Variants in ANKS4B observed in about 807,000 individuals in gnomAD.
ANKS4B encodes ankyrin repeat and sterile alpha motif domain containing 4B, also known as ankyrin repeat and SAM domain-containing protein 4B.
ANKS4B carries 21 observed loss-of-function variants against 20.2 expected under a neutral mutation model. The observed-to-expected ratio is 1.04, with a 90% CI of 0.74 to 1.50. The LOEUF (loss-of-function observed/expected upper bound fraction) is 1.50. Among genes scored for constraint, ANKS4B ranks in the 40% most tolerant of loss-of-function variants. The probability of loss-of-function intolerance (pLI) is 0.00; values close to 1 mark genes in which losing one functional copy is unlikely to be tolerated. For synonymous variants in ANKS4B, 179 were observed against 194.5 expected (o/e 0.92, Z 0.66); for missense variants, 473 against 494.6 (o/e 0.96, Z 0.41).
intron 1 of ANKS4B, among the ~76,000 whole-genome samples, chr16:21,243,088 C>T (rs780736329): frequency 5.9e-5 from 9 of 152,052 alleles, no homozygotes; most frequent in African/African-American, 1.2e-4. Context: ...TGCAGAAAAA[C>T]GTTTTTGAAA....
intron 1 of ANKS4B, among the ~76,000 whole-genome samples, chr16:21,247,677 T>C (rs181516248): frequency 1.3e-5 from 2 of 152,354 alleles, no homozygotes; most frequent in East Asian, 1.9e-4. Flanking sequence ...CTGGCCATCA[T>C]TAAAAATAGT....
rs1384386749 is a variant in ANKS4B at position 21,251,153 on chromosome 16, G to A, written c.*333G>A. 4.5e-6 allele frequency: 1 copy of A among 224,280 alleles called. No homozygotes were observed. Among genetic ancestry groups the A allele is most frequent in the Admixed American group, 5.0e-5 (1 of 20,006 alleles). 13.9% of individuals were successfully genotyped at this position (224,280 alleles called of 1,614,324 possible). On this transcript the variant is annotated 3_prime_UTR_variant, in exon 2 of 2. Transcript: ENST00000311620. Reference sequence around the variant, plus strand: ...GGTCTCAGTCTCTTACCCAGGCTAGGGTGCAGTGGTATGATCATAGTTCAC... The same window carrying A: ...GGTCTCAGTCTCTTACCCAGGCTAGAGTGCAGTGGTATGATCATAGTTCAC...
At position 21,233,784 on chromosome 16, in the gene ANKS4B, T is replaced by C. The variant is rs761939206; in HGVS notation, c.47T>C (p.Leu16Pro). 11 of 1,614,080 alleles carry C rather than the reference T, an allele frequency of 6.8e-6. No individual in the cohort carries two copies. The highest frequency in any genetic ancestry group is 5.1e-6 in the Non-Finnish European group (6 of 1,179,972). The part of the protein sequence containing the change: ...HQAASDSYLE[L>P]LKEATKRDLN... Reference sequence around the variant, plus strand: ...GCTGCTAGTGATAGTTACCTGGAACTTCTAAAAGAGGCTACCAAGCGAGAT... The same window carrying C: ...GCTGCTAGTGATAGTTACCTGGAACCTCTAAAAGAGGCTACCAAGCGAGAT... Residue 16 changes from leucine to proline, a missense_variant, in exon 1 of 2, where the codon CTT becomes CCT. Transcript: ENST00000311620.
chr16:21,236,272 C>T (rs1388439554), intron 1 of ANKS4B, among the ~76,000 whole-genome samples: 2 of 152,154 alleles, frequency 1.3e-5, no homozygotes, highest in African/African-American at 4.8e-5. Context: ...GGGAATGGTG[C>T]TAAACCATTC....
In ANKS4B at chr16:21,250,455, A is replaced by T; in HGVS notation, c.889A>T (p.Lys297Ter). 1 of 1,614,166 alleles carries T rather than the reference A, an allele frequency of 6.2e-7. No homozygotes were observed. Among genetic ancestry groups the T allele is most frequent in the East Asian group, 2.2e-5 (1 of 44,876 alleles). Reference protein sequence around the residue: ...ISDSKREFGFKLPSELLQRQG... With the variant: ...ISDSKREFGF ...AGATAGCAAGAGAGAGTTTGGTTTT[A>T]AACTGCCCAGTGAATTGCTTCAAAG... The change falls in exon 2 of 2, where the codon AAA becomes TAA. Residue 297 changes from lysine (K) to a stop codon, truncating the protein, a stop_gained. Transcript: ENST00000311620. LOFTEE classifies it high-confidence loss of function.
chr16:21,247,342 C>A (rs769966754), intron 1 of ANKS4B, among the ~76,000 whole-genome samples: 1 of 152,158 alleles, frequency 6.6e-6, no homozygotes, highest in Non-Finnish European at 1.5e-5. Context: ...GGATTACAGG[C>A]ATGAGAGTCT....
intron 1 of ANKS4B, among the ~76,000 whole-genome samples, chr16:21,241,122 G>A (rs2356747): frequency 0.078 from 11,825 of 152,204 alleles, 894 homozygotes; most frequent in East Asian, 0.44. Context: ...TAGAGGGTAC[G>A]TGTGCAGGTT....
rs370046267 is a variant in ANKS4B, at chr16:21,246,116, TTAG to T, written c.165-3610_165-3608del. ...ATTTTTCGTAGAAAGGGTATATTTG[TTAG>T]TAGTTTTGTTATGAGAGTATATTGA... On this transcript the variant is annotated intron_variant, in intron 1 of 1. Transcript: ENST00000311620. Among the ~76,000 whole-genome samples, 299 of 152,352 alleles carry T rather than the reference TTAG, an allele frequency of 2.0e-3. 1 individual carries two copies. Among genetic ancestry groups the T allele is most frequent in the African/African-American group, 6.8e-3 (282 of 41,582 alleles).
intron 1 of ANKS4B, among the ~76,000 whole-genome samples, chr16:21,235,100 G>T (rs144199621): frequency 1.3e-5 from 2 of 152,014 alleles, no homozygotes; most frequent in African/African-American, 4.8e-5. Context: ...TGACAGCCTC[G>T]GTCTCCCAAA....
At position 21,251,398 on chromosome 16, in the gene ANKS4B, A is replaced by C. The variant is rs769866378; in HGVS notation, c.*578A>C. On this transcript the variant is annotated 3_prime_UTR_variant, in exon 2 of 2. Transcript: ENST00000311620. Reference sequence around the variant, plus strand: ...TGGGATTACAGGTGTGAACCACCGTACCCAGCCTATCTTTTTGATACTTTT... The same window carrying C: ...TGGGATTACAGGTGTGAACCACCGTCCCCAGCCTATCTTTTTGATACTTTT... The C allele has an allele frequency of 1.3e-5, 2 of 152,358 alleles. No homozygotes were observed. The highest frequency in any genetic ancestry group is 4.8e-5 in the African/African-American group (2 of 41,434). The allele number at this position is 152,358 out of a possible 1,614,324, so 9.4% of individuals were successfully genotyped here.
intron 1 of ANKS4B, among the ~76,000 whole-genome samples, chr16:21,241,728 T>C (rs1336797980): frequency 1.3e-5 from 2 of 152,186 alleles, no homozygotes; most frequent in Admixed American, 6.5e-5. Flanking sequence ...ATTATTTTTA[T>C]TAATTAACAA....
In ANKS4B at chr16:21,250,000, G is replaced by A. The variant is rs1401756621; in HGVS notation, c.434G>A (p.Arg145Lys). The change falls in exon 2 of 2, where the codon AGG becomes AAG. Residue 145 changes from arginine to lysine, a missense_variant. By Grantham distance (26) the Arg-to-Lys change is conservative. Transcript: ENST00000311620. ...GAGCAGGCTCAGAAGAATGCCAGGA[G>A]GCAGATCAAAGAGTGTGAGAGGCTC... ...LKEQAQKNAR[R>K]QIKECERLQE... 1.9e-6 allele frequency: 3 copies of A among 1,614,066 alleles called. No homozygotes were observed. The highest frequency in any genetic ancestry group is 2.5e-6 in the Non-Finnish European group (3 of 1,180,046).
At chr16:21,246,459 T>A (rs546796858) in intron 1 of ANKS4B, among the ~76,000 whole-genome samples, 157 of 152,368 alleles carry the variant, frequency 1.0e-3, no homozygotes, top group Non-Finnish European at 1.6e-3. Context: ...TTGATTTTTT[T>A]ATTATGGCTA....
chr16:21,248,193 T>A (rs11645529), intron 1 of ANKS4B, among the ~76,000 whole-genome samples: 49,106 of 151,680 alleles, frequency 0.32, 9,498 homozygotes, highest in African/African-American at 0.55. Flanking sequence ...ATTTTTATTT[T>A]AAAAAAAAAT....
rs565834868 is a variant in ANKS4B at position 21,252,019 on chromosome 16, C to A, written c.*1199C>A. The stretch of plus-strand genomic sequence containing the variant: ...TGATCTCAGCTCACTGCAACCCCCG[C>A]CTCCCAGGTTCGAGCACTTTTCATG... On this transcript the variant is annotated 3_prime_UTR_variant, in exon 2 of 2. Transcript: ENST00000311620. 2 of 151,896 alleles carry A rather than the reference C, an allele frequency of 1.3e-5. No homozygotes were observed. Among genetic ancestry groups the A allele is most frequent in the South Asian group, 4.2e-4 (2 of 4,796 alleles). 9.4% of individuals were successfully genotyped at this position (151,896 alleles called of 1,614,324 possible). A position where few individuals can be genotyped will look rare whatever the true frequency, so the allele number is the denominator to read the frequency against.
At chr16:21,248,511 C>T (rs2093335078) in intron 1 of ANKS4B, among the ~76,000 whole-genome samples, 1 of 151,882 alleles carries the variant, frequency 6.6e-6, no homozygotes, top group Admixed American at 6.6e-5. Flanking sequence ...GGGTGGATCA[C>T]CTGAGGTCAG....
In ANKS4B at chr16:21,248,006, C is replaced by A. The variant is rs575671174; in HGVS notation, c.165-1725C>A. Reference sequence around the variant, plus strand: ...CAGACACTGTTTGCTACCTCTCCAACATCCTTTTCTTTCTTCTTTCCTGCT... The same window carrying A: ...CAGACACTGTTTGCTACCTCTCCAAAATCCTTTTCTTTCTTCTTTCCTGCT... On this transcript the variant is annotated intron_variant, in intron 1 of 1. Transcript: ENST00000311620. Among the ~76,000 whole-genome samples the A allele has an allele frequency of 2.6e-5, 4 of 152,274 alleles. No individual in the cohort carries two copies. In the South Asian group the frequency reaches 8.3e-4, roughly 32 times the overall value.
At chr16:21,236,716 C>G (rs1218952697) in intron 1 of ANKS4B, among the ~76,000 whole-genome samples, 1 of 151,750 alleles carries the variant, frequency 6.6e-6, no homozygotes, top group Admixed American at 6.6e-5. Flanking sequence ...CAGCCTGGTT[C>G]TGCTAGTCTT....
chr16:21,250,502 T>C lies in ANKS4B; in HGVS notation c.936T>C (p.Asp312=). ...LLQRQGASEA[D]EGAADEEGEE... ...AAAGACAAGGAGCATCAGAGGCTGATGAGGGTGCAGCTGATGAAGAGGGAG... is the reference window on the plus strand; with the variant it reads ...AAAGACAAGGAGCATCAGAGGCTGACGAGGGTGCAGCTGATGAAGAGGGAG... The change falls in exon 2 of 2, where the codon GAT becomes GAC. Residue 312 remains aspartate, a synonymous_variant. Coordinates refer to ENST00000311620, the MANE Select transcript of ANKS4B (RefSeq NM_145865.3). 1 of 1,614,092 alleles carries C rather than the reference T, an allele frequency of 6.2e-7. No individual in the cohort carries two copies. Among genetic ancestry groups the C allele is most frequent in the Non-Finnish European group, 8.5e-7 (1 of 1,180,006 alleles).
Sources: allele counts gnomAD v4.1 joint callset (sites outside exome capture counted in the v4.1 genomes callset), GRCh38; gene constraint gnomAD v4.1.1; transcripts MANE v1.5; gene names NCBI Gene and HGNC (gene_info 2026-07-23, HGNC 2026-07-21).